CHL1: variants seen among roughly 807,000 people sequenced by gnomAD.
CHL1 encodes neural cell adhesion molecule L1-like protein.
In CHL1, 96 loss-of-function variants were observed where a neutral mutation model predicts 141.9. That is an observed-to-expected ratio of 0.68 (90% CI 0.57 to 0.80). The LOEUF is 0.80. Ranked by LOEUF, CHL1 falls within the 30% of genes least tolerant of loss-of-function variation. The pLI is 0.00. For synonymous variants in CHL1, 613 were observed against 502.2 expected (o/e 1.22, Z -2.95); for missense variants, 1,820 against 1,457.2 (o/e 1.25, Z -4.05).
intron 2 of CHL1, among the ~76,000 whole-genome samples, chr3:250,752 T>G (rs116478919): frequency 1.4e-3 from 209 of 152,264 alleles, no homozygotes; most frequent in African/African-American, 4.8e-3. Context: ...TATTCTCCTG[T>G]CATTATGCTT....
At chr3:228,192 A>T (rs1055276451) in intron 1 of CHL1, among the ~76,000 whole-genome samples, 2 of 152,246 alleles carry the variant, frequency 1.3e-5, no homozygotes, top group East Asian at 3.8e-4. Context: ...ATGTTTTTTA[A>T]GGACAATTTT....
At position 322,558 on chromosome 3, in the gene CHL1, G is replaced by A. The variant is rs535724792; in HGVS notation, c.91+2691G>A. On this transcript the variant is annotated intron_variant, in intron 3 of 27. Coordinates refer to ENST00000256509, the MANE Select transcript of CHL1 (RefSeq NM_006614.4). The stretch of plus-strand genomic sequence containing the variant: ...CGTGGTGTCTCATGCCTGTAATTGC[G>A]GCACTTTGGGAGGCTTGAGGTCAGG... Among the ~76,000 whole-genome samples the A allele has an allele frequency of 1.3e-3, 192 of 149,056 alleles. 1 individual carries two copies. Among genetic ancestry groups the A allele is most frequent in the African/African-American group, 4.1e-3 (165 of 40,588 alleles).
At chr3:350,325 C>T (rs551089646) in intron 10 of CHL1, among the ~76,000 whole-genome samples, 1 of 152,180 alleles carries the variant, frequency 6.6e-6, no homozygotes, top group East Asian at 1.9e-4. Flanking sequence ...TTGTCTAGTC[C>T]TCTGAATGTG....
At chr3:386,833 T>A (rs1357011203) in intron 19 of CHL1, among the ~76,000 whole-genome samples, 1 of 152,172 alleles carries the variant, frequency 6.6e-6, no homozygotes, top group East Asian at 1.9e-4. Flanking sequence ...TTGTATAACA[T>A]AATGACTATA....
At chr3:279,528 A>T (rs1696448792) in intron 2 of CHL1, among the ~76,000 whole-genome samples, 1 of 151,490 alleles carries the variant, frequency 6.6e-6, no homozygotes, top group Admixed American at 6.5e-5. Context: ...CTGTTCTTCC[A>T]CAATCTGGAC....
chr3:341,825 A>C (rs1235092379), intron 6 of CHL1, 87 bp from the exon 7 acceptor site: 1 of 1,138,394 alleles, frequency 8.8e-7, no homozygotes, highest in Non-Finnish European at 1.2e-6. Flanking sequence ...AACCAAATGA[A>C]ATAATAATGT....
chr3:401,754 A>G, intron 27 of CHL1, 56 bp downstream of exon 27: 1 of 1,015,660 alleles, frequency 9.8e-7, no homozygotes, highest in East Asian at 2.5e-5. Context: ...TTGAAAGCTT[A>G]AGTGAACAAA....
intron 10 of CHL1, among the ~76,000 whole-genome samples, chr3:352,044 A>G (rs1271553263): frequency 6.6e-6 from 1 of 152,184 alleles, no homozygotes; most frequent in African/African-American, 2.4e-5. Flanking sequence ...CTTTTGAATT[A>G]TTTAAAGCCT....
intron 2 of CHL1, among the ~76,000 whole-genome samples, chr3:262,010 G>T (rs1268216515): frequency 1.2e-5 from 1 of 82,718 alleles, no homozygotes; most frequent in African/African-American, 4.6e-5. Context: ...GGATTCACAC[G>T]TTTAAGCCTA....
At chr3:376,716 A>G (rs1297375465) in intron 15 of CHL1, among the ~76,000 whole-genome samples, 1 of 152,234 alleles carries the variant, frequency 6.6e-6, no homozygotes, top group Non-Finnish European at 1.5e-5. Context: ...AAAAATTGTC[A>G]GGATATGCAG....
At chr3:281,868 T>C (rs573443956) in intron 2 of CHL1, among the ~76,000 whole-genome samples, 2 of 152,260 alleles carry the variant, frequency 1.3e-5, no homozygotes, top group African/African-American at 2.4e-5. Flanking sequence ...CCTATTTCTT[T>C]TTCCTATATT....
chr3:374,467 C>T (rs1202389917), intron 15 of CHL1, among the ~76,000 whole-genome samples: 5 of 152,068 alleles, frequency 3.3e-5, no homozygotes, highest in African/African-American at 1.2e-4. Flanking sequence ...AATCAGAGAC[C>T]CATGGCTGGT....
At chr3:200,484 C>T (rs1214108767) in intron 1 of CHL1, among the ~76,000 whole-genome samples, 1 of 152,124 alleles carries the variant, frequency 6.6e-6, no homozygotes. Context: ...ATTGAGAATA[C>T]TATATTTTCA....
At chr3:293,427 G>A (rs73100376) in intron 2 of CHL1, among the ~76,000 whole-genome samples, 3 of 151,968 alleles carry the variant, frequency 2.0e-5, no homozygotes, top group Non-Finnish European at 2.9e-5. Context: ...CGCTTCAACC[G>A]GGGAGGTGAA....
At chr3:245,428 T>C (rs992748434) in intron 2 of CHL1, among the ~76,000 whole-genome samples, 2 of 152,162 alleles carry the variant, frequency 1.3e-5, no homozygotes, top group Non-Finnish European at 2.9e-5. Flanking sequence ...ATAATGAATA[T>C]TAGCACTGGG....
rs558290939 is a variant in CHL1, at chr3:337,498, C to T, written c.386-3296C>T. On this transcript the variant is annotated intron_variant, in intron 5 of 27. Coordinates refer to ENST00000256509, the MANE Select transcript of CHL1 (RefSeq NM_006614.4). The stretch of plus-strand genomic sequence containing the variant: ...CATCATTTACATTAGGTATGTCTCC[C>T]AATGCTATCCCTCCCCTCTCCCCCC... 2.8e-3 allele frequency among the ~76,000 whole-genome samples: 423 copies of T among 151,832 alleles called. 1 individual carries two copies. The highest frequency in any genetic ancestry group is 8.0e-3 in the African/African-American group (329 of 41,344).
intron 2 of CHL1, among the ~76,000 whole-genome samples, chr3:305,113 G>C (rs1393780710): frequency 6.6e-6 from 1 of 152,138 alleles, no homozygotes; most frequent in Admixed American, 6.5e-5. Context: ...ATTGATTTGT[G>C]CTAATGATAT....
intron 2 of CHL1, among the ~76,000 whole-genome samples, chr3:277,119 A>G (rs902156728): frequency 3.3e-5 from 5 of 152,152 alleles, no homozygotes; most frequent in African/African-American, 4.8e-5. Flanking sequence ...CTGATACACA[A>G]TATGTGTTAT....
chr3:341,027 T>C, intron 6 of CHL1, 111 bp downstream of exon 6: 5 of 1,206,172 alleles, frequency 4.1e-6, no homozygotes, highest in Non-Finnish European at 5.8e-6. Flanking sequence ...TCTTAATTTT[T>C]TCATATTTGA....
Sources: allele counts gnomAD v4.1 joint callset (sites outside exome capture counted in the v4.1 genomes callset), GRCh38; gene constraint gnomAD v4.1.1; transcripts MANE v1.5; gene names NCBI Gene and HGNC (gene_info 2026-07-23, HGNC 2026-07-21).